EPHA2: variants seen among roughly 807,000 people sequenced by gnomAD.
The protein encoded by EPHA2 is EPH receptor A2, also known as ephrin type-A receptor 2.
In EPHA2, 54 loss-of-function variants were observed where a neutral mutation model predicts 104.9. That is an observed-to-expected ratio of 0.51 (90% CI 0.41 to 0.65). The LOEUF (loss-of-function observed/expected upper bound fraction) is 0.65. Among genes scored for constraint, EPHA2 ranks in the 30% least tolerant of loss-of-function variants. EPHA2 has a pLI of 0.00. For synonymous variants in EPHA2, 560 were observed against 559.1 expected, an observed-to-expected ratio of 1.00 and a Z score of -0.02; for missense variants, 1,117 against 1,369.5, an observed-to-expected ratio of 0.82 and a Z score of 2.91.
intron 1 of EPHA2, chr1:16,155,597 C>G: frequency 2.5e-6 from 1 of 396,792 alleles, no homozygotes; most frequent in Admixed American, 4.6e-5. Flanking sequence ...GCGTGGCCTG[C>G]GCCGCGTCCT....
At chr1:16,153,415 G>T in intron 1 of EPHA2, 1 of 787,214 alleles carries the variant, frequency 1.3e-6, no homozygotes, top group Non-Finnish European at 1.5e-6. Context: ...CTTGGCCCCG[G>T]TAGAACCAGA....
intron 3 of EPHA2, among the ~76,000 whole-genome samples, chr1:16,144,262 G>T (rs1315504047): frequency 6.6e-6 from 1 of 152,106 alleles, no homozygotes; most frequent in Non-Finnish European, 1.5e-5. Flanking sequence ...CACCATGGGG[G>T]GCTGGGGGTG....
rs1005174862 is a variant in EPHA2 at position 16,128,732 on chromosome 1, C to T, written c.2825+702G>A. Reference sequence around the variant, plus strand: ...GAGTTGGGAAGGGGAGAAGAGCTGCCAAGGGGCAGCTTGACAAAGGGGCAA... The same window carrying T: ...GAGTTGGGAAGGGGAGAAGAGCTGCTAAGGGGCAGCTTGACAAAGGGGCAA... On this transcript the variant is annotated intron_variant, in intron 16 of 16. Coordinates refer to ENST00000358432, the MANE Select transcript of EPHA2 (RefSeq NM_004431.5). The surrounding 1 kb of genome is among the most constrained non-coding windows in gnomAD (Gnocchi z 4.7). Among the ~76,000 whole-genome samples the T allele has an allele frequency of 6.6e-6, 1 of 152,118 alleles. No homozygotes were observed. Among genetic ancestry groups the T allele is most frequent in the African/African-American group, 2.4e-5 (1 of 41,430 alleles).
rs1026880601 is a variant in EPHA2, at chr1:16,150,974, G to A, written c.86-11C>T. ...AGTCCAGCAGTACCACTGAAAGGGA[G>A]AAGGGAGAGGGGGTGAGCCTGGGGG... On this transcript the variant is annotated splice_polypyrimidine_tract_variant and intron_variant, in intron 1 of 16. Transcript: ENST00000358432. This position sits in a 1 kb window ranked among gnomAD's most constrained non-coding sequence, Gnocchi z 4.8. The A allele has an allele frequency of 6.2e-7, 1 of 1,614,044 alleles. No individual in the cohort carries two copies. The highest frequency in any genetic ancestry group is 8.5e-7 in the Non-Finnish European group (1 of 1,179,996).
Position 16,135,522 on chromosome 1 carries a change from C to T in EPHA2, c.1428+133G>A. ...TGGGAGATGTAACCCCCTGGCAGAC[C>T]CCAGGCCTCAGTTTCCCCATCTGCA... On this transcript the variant is annotated intron_variant, in intron 6 of 16. Transcript: ENST00000358432. This position sits in a 1 kb window ranked among gnomAD's most constrained non-coding sequence, Gnocchi z 4.3. 1 of 889,642 alleles carries T rather than the reference C, an allele frequency of 1.1e-6. No individual in the cohort carries two copies. The highest frequency in any genetic ancestry group is 2.6e-5 in the East Asian group (1 of 39,168). The allele number at this position is 889,642 out of a possible 1,614,324, so 55.1% of individuals were successfully genotyped here.
intron 1 of EPHA2, 75 bp from the exon 2 acceptor site, chr1:16,151,038 T>G: frequency 2.3e-5 from 34 of 1,463,408 alleles, no homozygotes; most frequent in Non-Finnish European, 2.9e-5. Flanking sequence ...AAGGTGAGGA[T>G]CCCTCCAGGA....
chr1:16,151,242 G>A (rs983969481), intron 1 of EPHA2, among the ~76,000 whole-genome samples: 7 of 152,184 alleles, frequency 4.6e-5, no homozygotes, highest in Admixed American at 2.6e-4. Flanking sequence ...GTCCCCCTCC[G>A]TTAGTCCCCA....
In EPHA2 at chr1:16,132,058, A is replaced by G. The variant is rs1038224468; in HGVS notation, c.2325+6T>C. 5.0e-6 allele frequency: 8 copies of G among 1,613,846 alleles called. No individual in the cohort carries two copies. The highest frequency in any genetic ancestry group is 2.2e-5 in the East Asian group (1 of 44,880). On this transcript the variant is annotated splice_donor_region_variant and intron_variant, in intron 13 of 16. Transcript: ENST00000358432. ...TTCTCCCTTGAGGTCCCCTTCCCCA[A>G]CTTACACTGGTGGTGTAGGTGGCCT...
At chr1:16,136,096 C>T (rs563276285) in intron 5 of EPHA2, among the ~76,000 whole-genome samples, 1 of 152,040 alleles carries the variant, frequency 6.6e-6, no homozygotes, top group Non-Finnish European at 1.5e-5. Context: ...GTCTCAAATG[C>T]CTGAGCTCAA....
Position 16,124,842 on chromosome 1 carries a change from G to A in EPHA2, c.*373C>T, listed in dbSNP as rs1043181485. 2.3e-5 allele frequency: 6 copies of A among 266,614 alleles called. No homozygotes were observed. Among genetic ancestry groups the A allele is most frequent in the Middle Eastern group, 1.4e-3 (1 of 702 alleles). 16.5% of individuals were successfully genotyped at this position (266,614 alleles called of 1,614,324 possible). A position where few individuals can be genotyped will look rare whatever the true frequency, so the allele number is the denominator to read the frequency against. On this transcript the variant is annotated 3_prime_UTR_variant, in exon 17 of 17. Transcript: ENST00000358432. Reference sequence around the variant, plus strand: ...GCTTGAGGTACCCTGTTTACTTGGCGCTGGGCCAAGCCCTCCATCTCCTGA... The same window carrying A: ...GCTTGAGGTACCCTGTTTACTTGGCACTGGGCCAAGCCCTCCATCTCCTGA...
At position 16,128,161 on chromosome 1, in the gene EPHA2, C is replaced by T. The variant is rs966156487; in HGVS notation, c.2825+1273G>A. Among the ~76,000 whole-genome samples the T allele has an allele frequency of 6.6e-6, 1 of 152,234 alleles. No individual in the cohort carries two copies. Among genetic ancestry groups the T allele is most frequent in the Non-Finnish European group, 1.5e-5 (1 of 68,040 alleles). Reference sequence around the variant, plus strand: ...TATACCAGTCGTGTCATCTGCGCTGCACCCATGCAATCCCATCAAACTTGA... The same window carrying T: ...TATACCAGTCGTGTCATCTGCGCTGTACCCATGCAATCCCATCAAACTTGA... On this transcript the variant is annotated intron_variant, in intron 16 of 16. Coordinates refer to ENST00000358432, the MANE Select transcript of EPHA2 (RefSeq NM_004431.5). The surrounding 1 kb of genome is among the most constrained non-coding windows in gnomAD (Gnocchi z 4.7).
chr1:16,151,131 G>T (rs184703787), intron 1 of EPHA2, among the ~76,000 whole-genome samples, 168 bp from the exon 2 acceptor site: 4 of 152,274 alleles, frequency 2.6e-5, no homozygotes, highest in Admixed American at 1.3e-4. Context: ...ACTCATGAGG[G>T]AAACAGGCCC....
chr1:16,133,639 T>C (rs2124207814), intron 9 of EPHA2, 33 bp from the exon 10 acceptor site: 1 of 1,612,970 alleles, frequency 6.2e-7, no homozygotes, highest in Non-Finnish European at 8.5e-7. Flanking sequence ...CACAGGCAGC[T>C]CAGGAGGGGC....
intron 3 of EPHA2, among the ~76,000 whole-genome samples, chr1:16,144,536 G>C (rs1002779298): frequency 6.6e-6 from 1 of 152,194 alleles, no homozygotes; most frequent in Non-Finnish European, 1.5e-5. Flanking sequence ...TGGACTTTAG[G>C]CCACTGGGGC....
In EPHA2 at chr1:16,132,280, G is replaced by T; in HGVS notation, c.2116-7C>A. On this transcript the variant is annotated splice_region_variant and splice_polypyrimidine_tract_variant and intron_variant, in intron 12 of 16. Coordinates refer to ENST00000358432, the MANE Select transcript of EPHA2 (RefSeq NM_004431.5). Reference sequence around the variant, plus strand: ...TGAACTCGCCATCCTTCTCCTGCCGGAGCACAGGCGCTCAGCTGCAGGCCA... The same window carrying T: ...TGAACTCGCCATCCTTCTCCTGCCGTAGCACAGGCGCTCAGCTGCAGGCCA... 1 of 1,614,030 alleles carries T rather than the reference G, an allele frequency of 6.2e-7. No individual in the cohort carries two copies. Among genetic ancestry groups the T allele is most frequent in the South Asian group, 1.1e-5 (1 of 91,088 alleles).
chr1:16,129,532 C>T lies in EPHA2; in HGVS notation c.2727G>A (p.Val909=), dbSNP rs2124193152. 6.2e-7 allele frequency: 1 copy of T among 1,613,542 alleles called. No individual in the cohort carries two copies. The highest frequency in any genetic ancestry group is 8.5e-7 in the Non-Finnish European group (1 of 1,180,010). Residue 909 remains valine (V), a synonymous_variant, in exon 16 of 17, where the codon GTG becomes GTA. Coordinates refer to ENST00000358432, the MANE Select transcript of EPHA2 (RefSeq NM_004431.5). ...SGSEGVPFRT[V]SEWLESIKMQ... ...TCTTGATGGACTCCAGCCACTCGGA[C>T]ACCGTGCGGAAGGGCACCCCCTCCG... is the stretch of plus-strand genomic sequence containing the variant.
Position 16,135,645 on chromosome 1 carries a change from T to G in EPHA2, c.1428+10A>C, listed in dbSNP as rs569933368. On this transcript the variant is annotated intron_variant, in intron 6 of 16. Transcript: ENST00000358432. The surrounding 1 kb of genome is among the most constrained non-coding windows in gnomAD (Gnocchi z 4.3). ...CCAGCTAGAGCCAGCCCCGCCCCTC[T>G]GGGAGTTACCTTCTTGCGGTAAGTG... The G allele has an allele frequency of 1.1e-5, 17 of 1,613,398 alleles. No individual in the cohort carries two copies. In the Admixed American group the frequency reaches 1.2e-4, roughly 11 times the overall value.
Position 16,148,523 on chromosome 1 carries a change from C to T in EPHA2, c.678G>A (p.Val226=). The change falls in exon 3 of 17, where the codon GTG becomes GTA. Residue 226 remains valine (V), a synonymous_variant. Transcript: ENST00000358432. The surrounding 1 kb of genome is among the most constrained non-coding windows in gnomAD (Gnocchi z 4.9). ...CGGCATGGTCCACACAGGTGCCGGC[C>T]ACAGTGGCCAGGGAAGGTGCATCAG... ...AGSDAPSLAT[V]AGTCVDHAVV... The T allele has an allele frequency of 1.2e-6, 2 of 1,613,614 alleles. No individual in the cohort carries two copies. Among genetic ancestry groups the T allele is most frequent in the Non-Finnish European group, 1.7e-6 (2 of 1,179,986 alleles).
chr1:16,137,681 C>A (rs949988370), intron 5 of EPHA2, among the ~76,000 whole-genome samples, 172 bp downstream of exon 5: 1 of 152,238 alleles, frequency 6.6e-6, no homozygotes, highest in South Asian at 2.1e-4. Context: ...CATTCAATGT[C>A]GGCTGGGGCC....
Sources: gnomAD v4.1 joint callset for allele counts (sites outside exome capture counted in the v4.1 genomes callset) on GRCh38, gnomAD v4.1.1 for gene constraint, Gnocchi (gnomAD v3.1) non-coding constraint, MANE v1.5 for transcripts, NCBI Gene and HGNC (gene_info 2026-07-23, HGNC 2026-07-21) for gene names.